CNIH3: variants seen among roughly 807,000 people sequenced by gnomAD.
CNIH3 encodes protein cornichon homolog 3.
CNIH3 carries 14 observed loss-of-function variants against 24.1 expected under a neutral mutation model. That is an observed-to-expected ratio of 0.58 (90% CI 0.38 to 0.91). CNIH3 has a LOEUF of 0.91. CNIH3 is among the 40% of genes least tolerant of loss of function. CNIH3 has a pLI of 0.00. For missense variants in CNIH3, 178 were observed against 196.8 expected (o/e 0.90, Z 0.57); for synonymous variants, 68 against 73.8 (o/e 0.92, Z 0.40).
At chr1:224,541,219 T>C (rs912785448), downstream of CNIH3, among the ~76,000 whole-genome samples, 1 of 152,208 alleles carries the variant, frequency 6.6e-6, no homozygotes, top group African/African-American at 2.4e-5. Context: ...AAAATATAGA[T>C]GAGTACCGTG....
At chr1:224,726,051 A>G (rs1270751955) in intron 3 of CNIH3, among the ~76,000 whole-genome samples, 1 of 152,262 alleles carries the variant, frequency 6.6e-6, no homozygotes, top group Non-Finnish European at 1.5e-5. Flanking sequence ...AATATTTAGA[A>G]TGCAGACAAG....
intron 1 of CNIH3, among the ~76,000 whole-genome samples, chr1:224,519,912 A>C (rs55787629): frequency 0.044 from 6,701 of 152,236 alleles, 434 homozygotes; most frequent in African/African-American, 0.14. Flanking sequence ...TCAAGTGCTT[A>C]CTAGCCAATG....
At chr1:224,653,665 G>A (rs114509357) in intron 1 of CNIH3, among the ~76,000 whole-genome samples, 218 of 152,256 alleles carry the variant, frequency 1.4e-3, no homozygotes, top group Non-Finnish European at 2.6e-3. Context: ...AACTGGTGAC[G>A]CTGTACAAAC....
At chr1:224,638,842 AC>A (rs1446195645) in intron 1 of CNIH3, among the ~76,000 whole-genome samples, 5 of 152,094 alleles carry the variant, frequency 3.3e-5, no homozygotes, top group African/African-American at 1.2e-4. Context: ...ACTTGGTGTC[AC>A]CTCTGTACCT....
At chr1:224,603,113 A>G (rs1682275187) in intron 3 of CNIH3, among the ~76,000 whole-genome samples, 1 of 152,194 alleles carries the variant, frequency 6.6e-6, no homozygotes, top group Admixed American at 6.5e-5. Flanking sequence ...CCATTACTGA[A>G]TCCACATGTT....
chr1:224,444,713 C>T (rs1276974048), intron 1 of CNIH3, among the ~76,000 whole-genome samples: 1 of 151,764 alleles, frequency 6.6e-6, no homozygotes, highest in Non-Finnish European at 1.5e-5. Flanking sequence ...AGCGCGATCT[C>T]GGCTCACTGC....
chr1:224,680,432 G>T (rs540507407), intron 1 of CNIH3, among the ~76,000 whole-genome samples: 7 of 152,334 alleles, frequency 4.6e-5, no homozygotes, highest in Non-Finnish European at 8.8e-5. Flanking sequence ...TTGAAGTGCT[G>T]ACTGCCCAGG....
Position 224,720,252 on chromosome 1 carries a change from CT to C in CNIH3, c.199-10194del, listed in dbSNP as rs10625559. Among the ~76,000 whole-genome samples, 551 of 142,038 alleles carry C rather than the reference CT, an allele frequency of 3.9e-3. 1 individual carries two copies. Among genetic ancestry groups the C allele is most frequent in the African/African-American group, 9.3e-3 (360 of 38,576 alleles). The allele number at this position is 142,038 out of a possible 152,430, so 93.2% of individuals were successfully genotyped here. A position where few individuals can be genotyped will look rare whatever the true frequency, so the allele number is the denominator to read the frequency against. ...AATAAGTGTTAAGTAGGATAGTCAT[CT>C]TTTTTTTTTTTTTTTCTTGGAAAAG... On this transcript the variant is annotated intron_variant, in intron 3 of 5. Transcript: ENST00000272133.
intron 1 of CNIH3, among the ~76,000 whole-genome samples, chr1:224,477,665 G>A (rs975286646): frequency 1.3e-5 from 2 of 151,986 alleles, no homozygotes; most frequent in South Asian, 2.1e-4. Context: ...TCATCTTTTC[G>A]TCTTTCTACT....
chr1:224,637,144 G>A (rs538509350), intron 1 of CNIH3, among the ~76,000 whole-genome samples: 80 of 150,720 alleles, frequency 5.3e-4, no homozygotes, highest in South Asian at 2.7e-3. Context: ...TAGTAGAGAC[G>A]GGGTTTCACT....
intron 5 of CNIH3, among the ~76,000 whole-genome samples, chr1:224,736,554 T>C (rs1328353296): frequency 2.0e-5 from 3 of 152,234 alleles, no homozygotes; most frequent in Admixed American, 1.3e-4. Context: ...ATTCAAACTT[T>C]CCAGGGCTGG....
chr1:224,669,767 A>C (rs566755873), intron 1 of CNIH3, among the ~76,000 whole-genome samples: 2 of 152,338 alleles, frequency 1.3e-5, no homozygotes, highest in African/African-American at 4.8e-5. Flanking sequence ...AAGTATCAAT[A>C]TGAAGTAGGA....
chr1:224,661,341 C>T (rs912020902), intron 1 of CNIH3: 3 of 285,670 alleles, frequency 1.1e-5, no homozygotes, highest in African/African-American at 4.5e-5. Context: ...TGAAGTTGCC[C>T]ATCCCACTAC....
chr1:224,648,765 G>A (rs1008423498), intron 1 of CNIH3, among the ~76,000 whole-genome samples: 1 of 152,120 alleles, frequency 6.6e-6, no homozygotes, highest in African/African-American at 2.4e-5. Flanking sequence ...CAGTGACCCT[G>A]CCCATCAGTA....
chr1:224,548,662 A>T (rs1391701923), intron 3 of CNIH3, among the ~76,000 whole-genome samples: 1 of 151,794 alleles, frequency 6.6e-6, no homozygotes, highest in East Asian at 1.9e-4. Flanking sequence ...TTTAAGGGAG[A>T]TATTACTGCC....
At chr1:224,640,066 T>C (rs1348695848) in intron 1 of CNIH3, among the ~76,000 whole-genome samples, 1 of 152,246 alleles carries the variant, frequency 6.6e-6, no homozygotes, top group Non-Finnish European at 1.5e-5. Context: ...CCAGTTTTCC[T>C]TGCTTGGTGC....
rs1319027543 is a variant in CNIH3, at chr1:224,535,040, T to C, written n.344-1896T>C. Reference sequence around the variant, plus strand: ...TGTCTGTTCTGGGCTGAATTGTGTCTGCCCCCAAAAAAGATATGTTGAAGT... The same window carrying C: ...TGTCTGTTCTGGGCTGAATTGTGTCCGCCCCCAAAAAAGATATGTTGAAGT... On this transcript the variant is annotated intron_variant and non_coding_transcript_variant, in intron 2 of 2. Transcript: ENST00000470602. Among the ~76,000 whole-genome samples the C allele has an allele frequency of 3.9e-5, 6 of 152,262 alleles. No individual in the cohort carries two copies. In the South Asian group the frequency reaches 8.3e-4, roughly 21 times the overall value.
intron 1 of CNIH3, among the ~76,000 whole-genome samples, chr1:224,469,817 G>A (rs1676294893): frequency 6.6e-6 from 1 of 151,762 alleles, no homozygotes; most frequent in African/African-American, 2.4e-5. Context: ...CATTCCTTTG[G>A]TTAGATCAAT....
In CNIH3 at chr1:224,675,140, A is replaced by T. The variant is rs962053814; in HGVS notation, c.82-5818A>T. On this transcript the variant is annotated intron_variant, in intron 1 of 5. Coordinates refer to ENST00000272133, the MANE Select transcript of CNIH3 (RefSeq NM_152495.2). ...ATCTCAAAAGTCTGGTGAGAAAAAA[A>T]GCAGGGGAGATGCCTGATGAGGGAG... Among the ~76,000 whole-genome samples, 5 of 152,214 alleles carry T rather than the reference A, an allele frequency of 3.3e-5. No individual in the cohort carries two copies. In the East Asian group the frequency reaches 9.6e-4, roughly 29 times the overall value.
Sources: gnomAD v4.1 joint callset for allele counts (sites outside exome capture counted in the v4.1 genomes callset) on GRCh38, gnomAD v4.1.1 for gene constraint, MANE v1.5 for transcripts, NCBI Gene and HGNC (gene_info 2026-07-23, HGNC 2026-07-21) for gene names.